Variants in STON2 observed in about 807,000 individuals in gnomAD.
The protein encoded by STON2 is stonin-2.
STON2 carries 29 observed loss-of-function variants against 65.7 expected under a neutral mutation model. The ratio of observed to expected loss-of-function variants is 0.44; its 90% CI spans 0.33 to 0.60. The LOEUF (loss-of-function observed/expected upper bound fraction) is 0.60, where lower values mean the gene tolerates loss of function less well. Ranked by LOEUF, STON2 falls within the 20% of genes least tolerant of loss-of-function variation. The pLI, the probability that STON2 is intolerant of heterozygous loss-of-function variation, is 0.03. For synonymous variants in STON2, 404 were observed against 414.2 expected (o/e 0.98, Z 0.30); for missense variants, 1,054 against 1,118.1 (o/e 0.94, Z 0.82).
intron 2 of STON2, among the ~76,000 whole-genome samples, chr14:81,417,473 T>C (rs79858992): frequency 0.039 from 5,985 of 152,222 alleles, 153 homozygotes; most frequent in South Asian, 0.075. Context: ...ACAACAGTGA[T>C]AGGAAATAAC....
At chr14:81,420,758 C>A (rs1832135301) in intron 2 of STON2, among the ~76,000 whole-genome samples, 2 of 152,196 alleles carry the variant, frequency 1.3e-5, no homozygotes, top group Admixed American at 6.5e-5. Context: ...TCTATAAGAA[C>A]AAAGCATGAC....
intron 5 of STON2, among the ~76,000 whole-genome samples, chr14:81,279,274 T>C (rs779159128): frequency 3.3e-5 from 5 of 152,166 alleles, no homozygotes; most frequent in Admixed American, 6.5e-5. Flanking sequence ...AGTAGGTTCA[T>C]ACATGTGAAT....
Position 81,261,139 on chromosome 14 carries a change from A to G in STON2, c.*7275T>C, listed in dbSNP as rs1047180932. 4.6e-5 allele frequency: 7 copies of G among 152,154 alleles called. No homozygotes were observed. The highest frequency in any genetic ancestry group is 3.9e-4 in the Admixed American group (6 of 15,270). 9.4% of individuals were successfully genotyped at this position (152,154 alleles called of 1,614,324 possible). A position where few individuals can be genotyped will look rare whatever the true frequency, so the allele number is the denominator to read the frequency against. On this transcript the variant is annotated 3_prime_UTR_variant, in exon 8 of 8. Transcript: ENST00000614646. ...CATATCCTTCTCTTCCCTCACCCCT[A>G]TACTTTAGAACTCTCACACCCAACA...
chr14:81,404,487 A>G (rs2140459342), upstream of STON2, among the ~76,000 whole-genome samples: 1 of 152,324 alleles, frequency 6.6e-6, no homozygotes, highest in African/African-American at 2.4e-5. Flanking sequence ...AAAATCATAT[A>G]TAAGTAGCCC....
At chr14:81,301,133 G>A (rs969377928) in intron 5 of STON2, among the ~76,000 whole-genome samples, 13 of 151,662 alleles carry the variant, frequency 8.6e-5, no homozygotes, top group African/African-American at 3.2e-4. Context: ...AACCCCATAA[G>A]GAAGATATTT....
At chr14:81,384,988 T>C (rs1184874800) in intron 3 of STON2, among the ~76,000 whole-genome samples, 1 of 152,128 alleles carries the variant, frequency 6.6e-6, no homozygotes, top group African/African-American at 2.4e-5. Context: ...TCAGAGGAGC[T>C]CTTGTTCACT....
chr14:81,361,708 T>TTA (rs1277902221), intron 4 of STON2, among the ~76,000 whole-genome samples: 1 of 151,984 alleles, frequency 6.6e-6, no homozygotes, highest in Non-Finnish European at 1.5e-5. Flanking sequence ...AAGAGACAAA[T>TTA]TATGAATTTG....
intron 5 of STON2, among the ~76,000 whole-genome samples, chr14:81,295,193 C>T (rs868389775): frequency 2.0e-5 from 3 of 152,052 alleles, no homozygotes; most frequent in East Asian, 1.9e-4. Flanking sequence ...GCTGTGGTGG[C>T]GGGCACCTGT....
intron 6 of STON2, 50 bp downstream of exon 6, chr14:81,276,851 C>CG (rs773054084): frequency 6.4e-7 from 1 of 1,558,714 alleles, no homozygotes; most frequent in Non-Finnish European, 8.7e-7. Context: ...TTGATCTCAG[C>CG]TTTTTCACAA....
chr14:81,271,116 G>A (rs913453288), intron 6 of STON2, among the ~76,000 whole-genome samples: 6 of 152,094 alleles, frequency 3.9e-5, no homozygotes, highest in South Asian at 2.1e-4. Context: ...AAAACCCAAG[G>A]CCTGAGAAAC....
At position 81,413,010 on chromosome 14, in the gene STON2, C is replaced by T. The variant is rs560412780; in HGVS notation, c.-199+14092G>A. ...GCCGTGATCAAAAATGCGGACATGT[C>T]GGAAGAGACGCAGCAGAACTCGGTG... is the stretch of plus-strand genomic sequence containing the variant. On this transcript the variant is annotated intron_variant, in intron 2 of 8. Coordinates refer to the STON2 transcript ENST00000553821. 7.3e-6 allele frequency: 8 copies of T among 1,100,394 alleles called. 2 individuals are homozygous for T. Among genetic ancestry groups the T allele is most frequent in the Admixed American group, 5.4e-5 (3 of 55,934 alleles). 68.2% of individuals were successfully genotyped at this position (1,100,394 alleles called of 1,614,324 possible).
chr14:81,393,302 C>T (rs927259310), intron 3 of STON2, among the ~76,000 whole-genome samples: 29 of 152,300 alleles, frequency 1.9e-4, no homozygotes, highest in African/African-American at 6.3e-4. Flanking sequence ...GAAGGCACGG[C>T]CATTTTAGGG....
intron 5 of STON2, among the ~76,000 whole-genome samples, chr14:81,302,151 T>C (rs1895993298): frequency 6.6e-6 from 1 of 152,166 alleles, no homozygotes; most frequent in African/African-American, 2.4e-5. Context: ...GGAAAACCAT[T>C]TAGAACAGCA....
At chr14:81,374,103 C>T (rs1293576039) in intron 3 of STON2, among the ~76,000 whole-genome samples, 9 of 149,244 alleles carry the variant, frequency 6.0e-5, no homozygotes, top group African/African-American at 1.5e-4. Flanking sequence ...CTCCACCTCC[C>T]GGGCTCAAGT....
chr14:81,399,168 A>AT (rs1418523510), intron 1 of STON2, among the ~76,000 whole-genome samples: 6 of 152,196 alleles, frequency 3.9e-5, no homozygotes, highest in African/African-American at 7.2e-5. Flanking sequence ...TTAGAGTAAC[A>AT]TTTTCAATCT....
intron 1 of STON2, chr14:81,427,308 G>C (rs531407823): frequency 1.3e-5 from 2 of 152,350 alleles, no homozygotes; most frequent in African/African-American, 2.4e-5. Context: ...GACCTGACTG[G>C]GTGCATATTC....
At chr14:81,402,836 TAG>T (rs1046602110), upstream of STON2, among the ~76,000 whole-genome samples, 3 of 152,168 alleles carry the variant, frequency 2.0e-5, no homozygotes, top group Admixed American at 6.5e-5. Flanking sequence ...CCTATTATGG[TAG>T]AGTTATCTTC....
chr14:81,346,497 T>C (rs1312391792), intron 4 of STON2, among the ~76,000 whole-genome samples: 1 of 152,210 alleles, frequency 6.6e-6, no homozygotes, highest in East Asian at 1.9e-4. Flanking sequence ...AGACTTTCTA[T>C]AGCCACATTT....
At chr14:81,403,968 A>G (rs1566945767), upstream of STON2, among the ~76,000 whole-genome samples, 1 of 152,200 alleles carries the variant, frequency 6.6e-6, no homozygotes, top group East Asian at 1.9e-4. Flanking sequence ...CTATATGAGG[A>G]AAGGGACTTG....
Sources: allele counts gnomAD v4.1 joint callset (sites outside exome capture counted in the v4.1 genomes callset), GRCh38; gene constraint gnomAD v4.1.1; transcripts MANE v1.5; gene names NCBI Gene and HGNC (gene_info 2026-07-23, HGNC 2026-07-21).